The following TBC1D16 variants were observed in gnomAD, a reference collection of about 807,000 sequenced individuals.
TBC1D16 encodes the protein TBC1 domain family member 16.
In TBC1D16, 58 loss-of-function variants were observed where a neutral mutation model predicts 74.7. The observed-to-expected ratio is 0.78, with a 90% CI of 0.63 to 0.97. The LOEUF (loss-of-function observed/expected upper bound fraction) is 0.97. Ranked by LOEUF, TBC1D16 falls within the 50% of genes least tolerant of loss-of-function variation. The pLI, the probability that TBC1D16 is intolerant of heterozygous loss-of-function variation, is 0.00. For missense variants in TBC1D16, 1,014 were observed against 1,079.5 expected (o/e 0.94, Z 0.85); for synonymous variants, 493 against 474.7 (o/e 1.04, Z -0.50).
intron 1 of TBC1D16, among the ~76,000 whole-genome samples, chr17:80,032,218 C>T (rs1315686098): frequency 1.3e-5 from 2 of 152,306 alleles, no homozygotes; most frequent in African/African-American, 2.4e-5. Flanking sequence ...AGAAAGACCA[C>T]GGAGAAAATA....
chr17:79,998,329 TG>T (rs201419405), intron 3 of TBC1D16, among the ~76,000 whole-genome samples: 11 of 150,582 alleles, frequency 7.3e-5, no homozygotes, highest in African/African-American at 2.2e-4. Flanking sequence ...TTCAGACTGG[TG>T]TTTTTTGTTT....
rs143707073 is a variant in TBC1D16, at chr17:79,983,073, C to T, written c.779+27087G>A. On this transcript the variant is annotated intron_variant, in intron 3 of 11. Transcript: ENST00000310924. The surrounding 1 kb of genome is among the most constrained non-coding windows in gnomAD (Gnocchi z 5.6). ...CTGTGTGCAGAGCTCCAAGCACAGA[C>T]GTGTTCATCAAGGACAAGCGGGAAG... Among the ~76,000 whole-genome samples, 76 of 152,336 alleles carry T rather than the reference C, an allele frequency of 5.0e-4. No homozygotes were observed. The East Asian group carries it at 6.4e-3, about 13-fold the overall frequency.
intron 3 of TBC1D16, among the ~76,000 whole-genome samples, chr17:79,958,703 A>G (rs1423573023): frequency 6.6e-6 from 1 of 152,246 alleles, no homozygotes; most frequent in Non-Finnish European, 1.5e-5. Context: ...ATGCTCATTT[A>G]TGACAAACCT....
chr17:80,019,462 T>C (rs1166021427), intron 1 of TBC1D16, among the ~76,000 whole-genome samples: 2 of 134,560 alleles, frequency 1.5e-5, no homozygotes, highest in Admixed American at 1.5e-4. Flanking sequence ...CCTCCCAGAT[T>C]GTTCTGGAGA....
chr17:79,951,632 G>C (rs748923961), intron 4 of TBC1D16, 35 bp from the exon 5 acceptor site: 18 of 1,601,732 alleles, frequency 1.1e-5, no homozygotes, highest in Non-Finnish European at 1.3e-5. Flanking sequence ...AGGGAAGCCC[G>C]ATGAATATGT....
rs897620664 is a variant in TBC1D16 at position 79,936,051 on chromosome 17, C to T, written c.*4808G>A. 1 of 152,210 alleles carries T rather than the reference C, an allele frequency of 6.6e-6. No individual in the cohort carries two copies. The highest frequency in any genetic ancestry group is 1.5e-5 in the Non-Finnish European group (1 of 68,046). The allele number at this position is 152,210 out of a possible 1,614,324, so 9.4% of individuals were successfully genotyped here. A position where few individuals can be genotyped will look rare whatever the true frequency, so the allele number is the denominator to read the frequency against. ...CCCTCTCCTGGTTCTAATGCTCAGA[C>T]CCAGGAGGCAGAGTCCGCAGCCCGA... On this transcript the variant is annotated 3_prime_UTR_variant, in exon 12 of 12. Transcript: ENST00000310924.
chr17:79,976,464 C>T (rs748982683), intron 3 of TBC1D16, among the ~76,000 whole-genome samples: 2 of 152,224 alleles, frequency 1.3e-5, no homozygotes, highest in Non-Finnish European at 2.9e-5. Context: ...TGTGTGTGCA[C>T]GTGTGTGTGT....
rs941610900 is a variant in TBC1D16 at position 79,975,938 on chromosome 17, C to T, written c.780-23120G>A. 2.6e-5 allele frequency among the ~76,000 whole-genome samples: 4 copies of T among 152,200 alleles called. No individual in the cohort carries two copies. Among genetic ancestry groups the T allele is most frequent in the African/African-American group, 9.6e-5 (4 of 41,458 alleles). On this transcript the variant is annotated intron_variant, in intron 3 of 11. Transcript: ENST00000310924. This position sits in a 1 kb window ranked among gnomAD's most constrained non-coding sequence, Gnocchi z 4.5. ...CGAGATGGGCACAGACCTTCCTGCA[C>T]CCTCACAGCTTCTGCGGCTCCCCAG...
rs2032387652 is a variant in TBC1D16, at chr17:79,944,981, A to C, written c.1835T>G (p.Leu612Arg). Residue 612 changes from leucine (L) to arginine (R), a missense_variant, in exon 10 of 12, where the codon CTT (leucine) becomes CGT (arginine). Transcript: ENST00000310924. The surrounding 1 kb of genome is among the most constrained non-coding windows in gnomAD (Gnocchi z 7.7). ...GGGGAACTCCCGCTTGAAGCACAGA[A>C]GGAGCCAGCGGTGGCAGAAGAGCAT... The part of the protein sequence containing the change: ...LQMLFCHRWL[L>R]LCFKREFPEA... 6.4e-7 allele frequency: 1 copy of C among 1,565,844 alleles called. No individual in the cohort carries two copies. Among genetic ancestry groups the C allele is most frequent in the African/African-American group, 1.3e-5 (1 of 74,218 alleles).
At chr17:80,013,765 C>T (rs572328016) in intron 1 of TBC1D16, among the ~76,000 whole-genome samples, 156 bp from the exon 2 acceptor site, 164 of 152,292 alleles carry the variant, frequency 1.1e-3, no homozygotes, top group African/African-American at 3.7e-3. Context: ...CGTTCTCCAT[C>T]TTGGCCAGGC....
At chr17:80,017,399 C>T (rs761949197) in intron 1 of TBC1D16, among the ~76,000 whole-genome samples, 1 of 152,010 alleles carries the variant, frequency 6.6e-6, no homozygotes, top group Non-Finnish European at 1.5e-5. Context: ...ACGTAAAAAC[C>T]GGCCAGGCGC....
intron 9 of TBC1D16, among the ~76,000 whole-genome samples, chr17:79,945,646 C>T (rs960839544): frequency 2.6e-5 from 4 of 152,324 alleles, no homozygotes; most frequent in South Asian, 2.1e-4. Flanking sequence ...GGGCCCAGGC[C>T]GCTGACTTCA....
Position 79,936,719 on chromosome 17 carries a change from C to T in TBC1D16, c.*4140G>A, listed in dbSNP as rs2031612713. 6.6e-6 allele frequency: 1 copy of T among 152,242 alleles called. No homozygotes were observed. Among genetic ancestry groups the T allele is most frequent in the African/African-American group, 2.4e-5 (1 of 41,442 alleles). 9.4% of individuals were successfully genotyped at this position (152,242 alleles called of 1,614,324 possible). On this transcript the variant is annotated 3_prime_UTR_variant, in exon 12 of 12. Coordinates refer to ENST00000310924, the MANE Select transcript of TBC1D16 (RefSeq NM_019020.4). Reference sequence around the variant, plus strand: ...CTCTGACTGGAGACAGGACAGAATGCTTTCACACCCAGGAACGGCCGTGCA... The same window carrying T: ...CTCTGACTGGAGACAGGACAGAATGTTTTCACACCCAGGAACGGCCGTGCA...
In TBC1D16 at chr17:79,956,308, C is replaced by A. The variant is rs930517840; in HGVS notation, c.780-3490G>T. 6.6e-6 allele frequency among the ~76,000 whole-genome samples: 1 copy of A among 152,236 alleles called. No homozygotes were observed. The highest frequency in any genetic ancestry group is 2.4e-5 in the African/African-American group (1 of 41,460). On this transcript the variant is annotated intron_variant, in intron 3 of 11. Coordinates refer to ENST00000310924, the MANE Select transcript of TBC1D16 (RefSeq NM_019020.4). This position sits in a 1 kb window ranked among gnomAD's most constrained non-coding sequence, Gnocchi z 4.0. The stretch of plus-strand genomic sequence containing the variant: ...TCCCTCTATCCCCCTGGCTGAAGTG[C>A]GGTGGTGCAAACACAACTCACCGCA...
At position 79,944,061 on chromosome 17, in the gene TBC1D16, A is replaced by G; in HGVS notation, c.1908+847T>C. On this transcript the variant is annotated intron_variant, in intron 10 of 11. Coordinates refer to ENST00000310924, the MANE Select transcript of TBC1D16 (RefSeq NM_019020.4). The surrounding 1 kb of genome is among the most constrained non-coding windows in gnomAD (Gnocchi z 7.7). ...ACCGCATGCAAAGGCGGCGTGTGGT[A>G]CCGGCACTCGGTGGCTTCAGACTCG... 2 of 1,535,890 alleles carry G rather than the reference A, an allele frequency of 1.3e-6. No homozygotes were observed. The highest frequency in any genetic ancestry group is 1.7e-6 in the Non-Finnish European group (2 of 1,146,820).
At chr17:79,943,768 A>T in intron 10 of TBC1D16, 1 of 1,186,816 alleles carries the variant, frequency 8.4e-7, no homozygotes. Context: ...GTAGGTGTCC[A>T]TGGGAAAGGG....
chr17:79,949,566 T>C (rs1419478734), intron 7 of TBC1D16, 151 bp downstream of exon 7: 2 of 966,614 alleles, frequency 2.1e-6, no homozygotes, highest in African/African-American at 3.3e-5. Flanking sequence ...TATCCCACCC[T>C]ATCACTCACG....
intron 3 of TBC1D16, among the ~76,000 whole-genome samples, chr17:79,998,451 C>A (rs541860010): frequency 1.3e-5 from 2 of 151,748 alleles, no homozygotes; most frequent in African/African-American, 2.4e-5. Context: ...CCTCAGCCCC[C>A]CAAGTAGCTG....
chr17:80,006,532 C>G (rs903776833), intron 3 of TBC1D16, among the ~76,000 whole-genome samples: 5 of 152,234 alleles, frequency 3.3e-5, no homozygotes, highest in African/African-American at 1.2e-4. Flanking sequence ...GGAGCACCAC[C>G]TCTGCTTCCT....
Sources: gnomAD v4.1 joint callset for allele counts (sites outside exome capture counted in the v4.1 genomes callset) on GRCh38, gnomAD v4.1.1 for gene constraint, Gnocchi (gnomAD v3.1) non-coding constraint, MANE v1.5 for transcripts, NCBI Gene and HGNC (gene_info 2026-07-23, HGNC 2026-07-21) for gene names.